FAM78B: variants seen among roughly 807,000 people sequenced by gnomAD.
FAM78B encodes the protein family with sequence similarity 78 member B.
A neutral mutation model predicts 20.0 loss-of-function variants in FAM78B; 10 were observed. That is an observed-to-expected ratio of 0.50 (90% confidence interval 0.31 to 0.85). The LOEUF is 0.85. Ranked by LOEUF, FAM78B falls within the 40% of genes least tolerant of loss-of-function variation. The pLI is 0.05. For synonymous variants in FAM78B, 135 were observed against 132.8 expected (o/e 1.02, Z -0.12); for missense variants, 283 against 345.0 (o/e 0.82, Z 1.42).
intron 1 of FAM78B, among the ~76,000 whole-genome samples, chr1:166,097,072 G>A (rs1287307056): frequency 6.6e-6 from 1 of 152,236 alleles, no homozygotes; most frequent in East Asian, 1.9e-4. Flanking sequence ...AGGAAAGGGA[G>A]ACGCTCCTCT....
rs531439743 is a variant in FAM78B at position 166,162,123 on chromosome 1, G to A, written c.263+3863C>T. On this transcript the variant is annotated intron_variant, in intron 1 of 1. Transcript: ENST00000354422. ...CGTCTACAAGGAATGCTGCTGAAAC[G>A]GTGAGTCTCTCAAAAGTGTCTGAGG... Among the ~76,000 whole-genome samples, 6 of 152,324 alleles carry A rather than the reference G, an allele frequency of 3.9e-5. No individual in the cohort carries two copies. In the South Asian group the frequency reaches 6.2e-4, roughly 16 times the overall value.
At chr1:166,140,562 T>C (rs1164232327) in intron 1 of FAM78B, among the ~76,000 whole-genome samples, 1 of 152,206 alleles carries the variant, frequency 6.6e-6, no homozygotes, top group East Asian at 1.9e-4. Flanking sequence ...AAGGGAAAGA[T>C]GATAAAGCTA....
intron 1 of FAM78B, among the ~76,000 whole-genome samples, chr1:166,152,258 T>G (rs1004050681): frequency 1.3e-5 from 2 of 152,104 alleles, no homozygotes; most frequent in Non-Finnish European, 2.9e-5. Context: ...CCGTGGTGGT[T>G]GTTGTTCTCA....
chr1:166,077,421 A>G (rs1365502859), intron 1 of FAM78B, among the ~76,000 whole-genome samples: 1 of 152,076 alleles, frequency 6.6e-6, no homozygotes, highest in Non-Finnish European at 1.5e-5. Flanking sequence ...GGAAGTACTT[A>G]GCACAGCTAA....
downstream of FAM78B, among the ~76,000 whole-genome samples, chr1:166,066,708 C>T (rs372372883): frequency 2.3e-3 from 352 of 152,252 alleles, no homozygotes; most frequent in Non-Finnish European, 4.0e-3. Context: ...AATCATAGTT[C>T]TTTTATTTTA....
rs1656420185 is a variant in FAM78B, at chr1:166,166,800, C to T, written c.-552G>A. 1 of 151,330 alleles carries T rather than the reference C, an allele frequency of 6.6e-6. No homozygotes were observed. Among genetic ancestry groups the T allele is most frequent in the Admixed American group, 6.6e-5 (1 of 15,062 alleles). The allele number at this position is 151,330 out of a possible 1,614,324, so 9.4% of individuals were successfully genotyped here. A position where few individuals can be genotyped will look rare whatever the true frequency, so the allele number is the denominator to read the frequency against. ...CCCAGCGGCGGGCGAGCGGGCGGCC[C>T]AAGAGGCAGGCGGAGGCAGCAGCGG... is the stretch of plus-strand genomic sequence containing the variant. On this transcript the variant is annotated 5_prime_UTR_variant, in exon 1 of 2. Coordinates refer to ENST00000354422, the MANE Select transcript of FAM78B (RefSeq NM_001017961.5).
At chr1:166,075,629 T>C (rs531574303) in intron 1 of FAM78B, among the ~76,000 whole-genome samples, 50 of 152,362 alleles carry the variant, frequency 3.3e-4, no homozygotes, top group African/African-American at 1.2e-3. Flanking sequence ...ACATGATGCA[T>C]ACTTACTAAT....
intron 1 of FAM78B, among the ~76,000 whole-genome samples, chr1:166,079,036 A>G (rs550225649): frequency 6.6e-6 from 1 of 150,880 alleles, no homozygotes; most frequent in South Asian, 2.1e-4. Context: ...GGCTCAAGTG[A>G]TCCTCCCGCC....
At chr1:166,136,639 T>C (rs1204610279) in intron 1 of FAM78B, among the ~76,000 whole-genome samples, 1 of 152,140 alleles carries the variant, frequency 6.6e-6, no homozygotes, top group East Asian at 1.9e-4. Context: ...GGAAACAGGA[T>C]GATCTACCAA....
chr1:166,056,440 G>A (rs1454951306), downstream of FAM78B, among the ~76,000 whole-genome samples: 1 of 152,110 alleles, frequency 6.6e-6, no homozygotes, highest in Non-Finnish European at 1.5e-5. Flanking sequence ...GCTCTAATAG[G>A]CTAGGTCTTC....
chr1:166,073,204 C>T (rs1652118041), intron 1 of FAM78B, among the ~76,000 whole-genome samples: 1 of 152,182 alleles, frequency 6.6e-6, no homozygotes, highest in Non-Finnish European at 1.5e-5. Context: ...CATCTGGCCA[C>T]ATGTAGTCAT....
chr1:166,090,461 A>G (rs1653023463), intron 1 of FAM78B, among the ~76,000 whole-genome samples: 1 of 152,186 alleles, frequency 6.6e-6, no homozygotes, highest in Non-Finnish European at 1.5e-5. Flanking sequence ...CAGGAACCAA[A>G]GGAGGAGGCC....
At chr1:166,163,904 G>T (rs1266935131) in intron 1 of FAM78B, among the ~76,000 whole-genome samples, 4 of 152,122 alleles carry the variant, frequency 2.6e-5, no homozygotes, top group African/African-American at 9.7e-5. Flanking sequence ...ATCAAAAGTG[G>T]CAGTTTAAAA....
At chr1:166,069,214 T>C (rs1221099905), downstream of FAM78B, among the ~76,000 whole-genome samples, 1 of 151,892 alleles carries the variant, frequency 6.6e-6, no homozygotes, top group Non-Finnish European at 1.5e-5. Context: ...ATGCATCATG[T>C]GTGCATGTGT....
chr1:166,165,251 CT>C (rs1167382733), intron 1 of FAM78B, among the ~76,000 whole-genome samples: 1 of 152,210 alleles, frequency 6.6e-6, no homozygotes, highest in African/African-American at 2.4e-5. Flanking sequence ...GAGATCCATC[CT>C]TTCCTTTAGC....
Position 166,106,806 on chromosome 1 carries a change from T to C in FAM78B, c.264-36043A>G, listed in dbSNP as rs147028504. ...ATTACCTGGGTGATGGGATCACTTA[T>C]ACCCGAAACCTCAGCATTACACAAT... On this transcript the variant is annotated intron_variant, in intron 1 of 1. Coordinates refer to ENST00000354422, the MANE Select transcript of FAM78B (RefSeq NM_001017961.5). 9.2e-5 allele frequency among the ~76,000 whole-genome samples: 14 copies of C among 152,226 alleles called. No homozygotes were observed. In the East Asian group the frequency reaches 2.1e-3, roughly 23 times the overall value.
chr1:166,082,066 T>C (rs1472755830), intron 1 of FAM78B, among the ~76,000 whole-genome samples: 1 of 152,204 alleles, frequency 6.6e-6, no homozygotes, highest in African/African-American at 2.4e-5. Flanking sequence ...TCCAAGCTTG[T>C]GCTGCCCCTG....
chr1:166,166,114 C>G lies in FAM78B; in HGVS notation c.135G>C (p.Lys45Asn). Residue 45 changes from lysine to asparagine, a missense_variant, in exon 1 of 2, where the codon AAG (lysine) becomes AAC (asparagine). Coordinates refer to ENST00000354422, the MANE Select transcript of FAM78B (RefSeq NM_001017961.5). ...EETSPIVLRY[K>N]TPYFKASARV... ...GGGCGGAGGCTTTGAAGTAGGGGGT[C>G]TTGTAGCGCAGGACGATGGGCGAGG... The G allele has an allele frequency of 6.2e-7, 1 of 1,612,330 alleles. No homozygotes were observed. Among genetic ancestry groups the G allele is most frequent in the Non-Finnish European group, 8.5e-7 (1 of 1,179,198 alleles).
At chr1:166,103,737 G>C (rs1653642482) in intron 1 of FAM78B, among the ~76,000 whole-genome samples, 1 of 152,164 alleles carries the variant, frequency 6.6e-6, no homozygotes, top group South Asian at 2.1e-4. Context: ...AAAAAGTCCA[G>C]GTCCAGATAG....
Sources: gnomAD v4.1 joint callset for allele counts (sites outside exome capture counted in the v4.1 genomes callset) on GRCh38, gnomAD v4.1.1 for gene constraint, MANE v1.5 for transcripts, NCBI Gene and HGNC (gene_info 2026-07-23, HGNC 2026-07-21) for gene names.